Variants in XKR6 observed in about 807,000 individuals in gnomAD.
XKR6 encodes XK related 6, also known as XK-related protein 6.
Under a neutral mutation model 56.7 loss-of-function variants are expected in XKR6, and 22 were observed. The observed-to-expected ratio is 0.39, with a 90% CI of 0.28 to 0.55. XKR6 has a LOEUF of 0.55. Among genes scored for constraint, XKR6 ranks in the 20% least tolerant of loss-of-function variants. The pLI is 0.66. For synonymous variants in XKR6, 524 were observed against 387.8 expected (o/e 1.35, Z -4.13); for missense variants, 852 against 889.0 (o/e 0.96, Z 0.53).
intron 1 of XKR6, among the ~76,000 whole-genome samples, chr8:10,986,565 G>T (rs534900769): frequency 6.6e-6 from 1 of 152,236 alleles, no homozygotes; most frequent in African/African-American, 2.4e-5. Flanking sequence ...GTAGATTTTG[G>T]TAGTTTTTGA....
intron 1 of XKR6, among the ~76,000 whole-genome samples, chr8:10,940,997 G>A (rs1801371145): frequency 6.6e-6 from 1 of 152,192 alleles, no homozygotes. Context: ...TAGCCACAGT[G>A]ACTCGGCCAC....
chr8:10,938,221 C>T (rs1290676767), intron 1 of XKR6, among the ~76,000 whole-genome samples: 2 of 152,214 alleles, frequency 1.3e-5, no homozygotes, highest in East Asian at 1.9e-4. Flanking sequence ...TGACCCCTTG[C>T]GCTTCCCAGG....
At chr8:10,921,264 G>T (rs1010336034) in intron 2 of XKR6, among the ~76,000 whole-genome samples, 1 of 152,258 alleles carries the variant, frequency 6.6e-6, no homozygotes, top group Non-Finnish European at 1.5e-5. Flanking sequence ...ATAACAAGGA[G>T]GCTGGGACAC....
chr8:10,998,150 G>C (rs150073310), intron 1 of XKR6, among the ~76,000 whole-genome samples: 287 of 152,068 alleles, frequency 1.9e-3, no homozygotes, highest in African/African-American at 6.7e-3. Flanking sequence ...CCGCCAGAGA[G>C]CGTCCAGCAC....
At chr8:11,007,127 T>C (rs1302181207) in intron 1 of XKR6, among the ~76,000 whole-genome samples, 1 of 152,162 alleles carries the variant, frequency 6.6e-6, no homozygotes, top group Non-Finnish European at 1.5e-5. Context: ...GCCTCCAGCC[T>C]GGGATGCTGT....
At chr8:11,033,962 G>A (rs1799073303) in intron 1 of XKR6, among the ~76,000 whole-genome samples, 1 of 152,332 alleles carries the variant, frequency 6.6e-6, no homozygotes, top group East Asian at 1.9e-4. Flanking sequence ...GAATGGCAGA[G>A]CCAGGACTAT....
intron 2 of XKR6, among the ~76,000 whole-genome samples, chr8:10,915,414 A>C (rs1022288684): frequency 6.6e-6 from 1 of 152,162 alleles, no homozygotes; most frequent in Non-Finnish European, 1.5e-5. Context: ...TCTCTGTTCC[A>C]GCATTTCATG....
chr8:11,007,578 A>T (rs1374619473), intron 1 of XKR6, among the ~76,000 whole-genome samples: 2 of 152,170 alleles, frequency 1.3e-5, no homozygotes, highest in Non-Finnish European at 2.9e-5. Flanking sequence ...TGCAGCACAG[A>T]TTATGCCTGA....
intron 1 of XKR6, among the ~76,000 whole-genome samples, chr8:11,118,613 T>G (rs967875568): frequency 1.3e-5 from 2 of 152,222 alleles, no homozygotes; most frequent in African/African-American, 4.8e-5. Context: ...TTTATAGTAT[T>G]CTCTGATGGT....
chr8:11,154,521 C>T (rs1434422393), intron 1 of XKR6, among the ~76,000 whole-genome samples: 2 of 152,150 alleles, frequency 1.3e-5, no homozygotes, highest in Non-Finnish European at 2.9e-5. Flanking sequence ...AGTGTAACAG[C>T]TTTCAGTGAG....
At chr8:11,169,881 T>C (rs1158141448) in intron 1 of XKR6, among the ~76,000 whole-genome samples, 1 of 152,220 alleles carries the variant, frequency 6.6e-6, no homozygotes, top group African/African-American at 2.4e-5. Context: ...ATTAAAATGG[T>C]ATATTTTGTG....
At chr8:11,057,788 C>A (rs938039819) in intron 1 of XKR6, among the ~76,000 whole-genome samples, 1 of 152,184 alleles carries the variant, frequency 6.6e-6, no homozygotes, top group Non-Finnish European at 1.5e-5. Context: ...GGGCCTTGGG[C>A]CTTTTTTTAA....
rs376832519 is a variant in XKR6 at position 10,897,921 on chromosome 8, A to G, written c.*31T>C. On this transcript the variant is annotated 3_prime_UTR_variant, in exon 3 of 3. Coordinates refer to ENST00000416569, the MANE Select transcript of XKR6 (RefSeq NM_173683.4). The stretch of plus-strand genomic sequence containing the variant: ...TGCTGTTTGCCGCAAACCAAACTTA[A>G]GGTCCCCTTCTCAACTTGGTCAAGA... 3.1e-5 allele frequency: 47 copies of G among 1,525,980 alleles called. No homozygotes were observed. The African/African-American group carries it at 6.1e-4, about 20-fold the overall frequency. 94.5% of individuals were successfully genotyped at this position (1,525,980 alleles called of 1,614,324 possible).
At chr8:11,078,132 C>T (rs1800323260) in intron 1 of XKR6, among the ~76,000 whole-genome samples, 1 of 152,190 alleles carries the variant, frequency 6.6e-6, no homozygotes, top group Non-Finnish European at 1.5e-5. Flanking sequence ...TTTATTCAGT[C>T]TCATGGAGTG....
chr8:10,993,576 G>A (rs1798042135), intron 1 of XKR6, among the ~76,000 whole-genome samples: 1 of 152,236 alleles, frequency 6.6e-6, no homozygotes, highest in South Asian at 2.1e-4. Flanking sequence ...CCCTGCACCT[G>A]CGGCTACTGA....
At chr8:10,913,950 C>A (rs1255635144) in intron 2 of XKR6, among the ~76,000 whole-genome samples, 1 of 152,202 alleles carries the variant, frequency 6.6e-6, no homozygotes, top group Non-Finnish European at 1.5e-5. Flanking sequence ...AGCAGCAGGG[C>A]TTGGCAGCCT....
chr8:11,081,191 T>C (rs926252701), intron 1 of XKR6, among the ~76,000 whole-genome samples: 6 of 152,178 alleles, frequency 3.9e-5, no homozygotes, highest in Admixed American at 6.5e-5. Flanking sequence ...CTAAAATCCC[T>C]CTGTGAAAAC....
At chr8:11,194,245 T>A (rs921335524) in intron 1 of XKR6, among the ~76,000 whole-genome samples, 1 of 152,214 alleles carries the variant, frequency 6.6e-6, no homozygotes, top group Non-Finnish European at 1.5e-5. Flanking sequence ...GATCAATCCA[T>A]TTAACTGCTT....
intron 1 of XKR6, among the ~76,000 whole-genome samples, chr8:11,129,505 G>A (rs1799995411): frequency 6.6e-6 from 1 of 152,066 alleles, no homozygotes. Flanking sequence ...TCCACAGGAG[G>A]ACCATTAGAT....
Sources: allele counts gnomAD v4.1 joint callset (sites outside exome capture counted in the v4.1 genomes callset), GRCh38; gene constraint gnomAD v4.1.1; transcripts MANE v1.5; gene names NCBI Gene and HGNC (gene_info 2026-07-23, HGNC 2026-07-21).